Variants in CEP41 observed in about 807,000 individuals in gnomAD.
CEP41 encodes the protein centrosomal protein of 41 kDa.
Under a neutral mutation model 44.3 loss-of-function variants are expected in CEP41, and 32 were observed. The ratio of observed to expected loss-of-function variants is 0.72; its 90% CI spans 0.54 to 0.97. The LOEUF is 0.97. Ranked by LOEUF, CEP41 falls within the 50% of genes least tolerant of loss-of-function variation. The pLI, the probability that CEP41 is intolerant of heterozygous loss-of-function variation, is 0.00. For synonymous variants in CEP41, 151 were observed against 168.5 expected, an observed-to-expected ratio of 0.90 and a Z score of 0.80; for missense variants, 432 against 455.2, an observed-to-expected ratio of 0.95 and a Z score of 0.46.
intron 1 of CEP41, 164 bp downstream of exon 1, chr7:130,440,770 C>A: frequency 1.4e-6 from 1 of 699,550 alleles, no homozygotes; most frequent in Non-Finnish European, 2.5e-6. Context: ...TGCCCCGCGG[C>A]CCCCAAGCCC....
At position 130,394,140 on chromosome 7, in the gene CEP41, C is replaced by T. The variant is rs531784517; in HGVS notation, c.*4751G>A. On this transcript the variant is annotated 3_prime_UTR_variant, in exon 11 of 11. Transcript: ENST00000223208. The stretch of plus-strand genomic sequence containing the variant: ...TTTTCACGGTAAGTTAGAGGCATCA[C>T]CAAAGGAGAACATGGTTGTGCCCAC... 1 of 454,062 alleles carries T rather than the reference C, an allele frequency of 2.2e-6. No homozygotes were observed. Among genetic ancestry groups the T allele is most frequent in the South Asian group, 1.6e-5 (1 of 64,460 alleles). The allele number at this position is 454,062 out of a possible 1,614,324, so 28.1% of individuals were successfully genotyped here. A position where few individuals can be genotyped will look rare whatever the true frequency, so the allele number is the denominator to read the frequency against.
rs1554415670 is a variant in CEP41 at position 130,398,197 on chromosome 7, C to T, written c.*694G>A. 1 of 453,830 alleles carries T rather than the reference C, an allele frequency of 2.2e-6. No individual in the cohort carries two copies. The highest frequency in any genetic ancestry group is 2.3e-5 in the Admixed American group (1 of 42,568). The allele number at this position is 453,830 out of a possible 1,614,324, so 28.1% of individuals were successfully genotyped here. A position where few individuals can be genotyped will look rare whatever the true frequency, so the allele number is the denominator to read the frequency against. ...GAGGCCCTCCTCCCCGGTGTGAAGA[C>T]ACCCACATGCATACCTTTCTGGCTC... On this transcript the variant is annotated 3_prime_UTR_variant, in exon 11 of 11. Transcript: ENST00000223208.
At position 130,395,347 on chromosome 7, in the gene CEP41, T is replaced by C. The variant is rs1554414060; in HGVS notation, c.*3544A>G. On this transcript the variant is annotated 3_prime_UTR_variant, in exon 11 of 11. Transcript: ENST00000223208. ...AACTGGTGAATTATATTCCACACAT[T>C]TGCGGTGTTTCCTGGGGAAAAAAAA... 3 of 441,200 alleles carry C rather than the reference T, an allele frequency of 6.8e-6. No homozygotes were observed. Among genetic ancestry groups the C allele is most frequent in the South Asian group, 4.7e-5 (3 of 64,092 alleles). 27.3% of individuals were successfully genotyped at this position (441,200 alleles called of 1,614,324 possible). A position where few individuals can be genotyped will look rare whatever the true frequency, so the allele number is the denominator to read the frequency against.
At position 130,398,748 on chromosome 7, in the gene CEP41, G is replaced by T; in HGVS notation, c.*143C>A. 9.9e-7 allele frequency: 1 copy of T among 1,010,032 alleles called. No individual in the cohort carries two copies. Among genetic ancestry groups the T allele is most frequent in the Non-Finnish European group, 1.6e-6 (1 of 641,706 alleles). 62.6% of individuals were successfully genotyped at this position (1,010,032 alleles called of 1,614,324 possible). A position where few individuals can be genotyped will look rare whatever the true frequency, so the allele number is the denominator to read the frequency against. The stretch of plus-strand genomic sequence containing the variant: ...GCCTCCTGAGGGGAGAGGAACTGGA[G>T]ACAGGGACAGGGAAGAGGCCTATCC... On this transcript the variant is annotated 3_prime_UTR_variant, in exon 11 of 11. Transcript: ENST00000223208.
chr7:130,402,861 G>A (rs1345471436), intron 6 of CEP41, 62 bp from the exon 7 acceptor site: 22 of 1,547,758 alleles, frequency 1.4e-5, no homozygotes, highest in South Asian at 4.5e-5. Context: ...AAGGTCGAAC[G>A]TGTCTCTTCA....
At chr7:130,416,755 C>T (rs1431058086) in intron 3 of CEP41, among the ~76,000 whole-genome samples, 164 bp downstream of exon 3, 6 of 152,220 alleles carry the variant, frequency 3.9e-5, no homozygotes, top group African/African-American at 1.4e-4. Flanking sequence ...CAGCCCAGTA[C>T]AGCACCCAGG....
intron 2 of CEP41, chr7:130,420,270 C>T: frequency 7.2e-6 from 1 of 139,852 alleles, no homozygotes; most frequent in Non-Finnish European, 1.4e-5. Context: ...GGGGAGGTTG[C>T]AGTGAGCAAG....
Position 130,396,478 on chromosome 7 carries a change from G to A in CEP41, c.*2413C>T, listed in dbSNP as rs1446792963. On this transcript the variant is annotated 3_prime_UTR_variant, in exon 11 of 11. Coordinates refer to ENST00000223208, the MANE Select transcript of CEP41 (RefSeq NM_018718.3). Reference sequence around the variant, plus strand: ...TCCTGTGGCTCCCCCAAATCATCTCGACAGAAAAGAAGAGAGAAGTTGGCA... The same window carrying A: ...TCCTGTGGCTCCCCCAAATCATCTCAACAGAAAAGAAGAGAGAAGTTGGCA... 1.8e-5 allele frequency: 8 copies of A among 454,266 alleles called. No homozygotes were observed. The highest frequency in any genetic ancestry group is 6.0e-5 in the African/African-American group (3 of 49,940). 28.1% of individuals were successfully genotyped at this position (454,266 alleles called of 1,614,324 possible).
chr7:130,427,854 G>A lies in CEP41; in HGVS notation c.97+101C>T. The A allele has an allele frequency of 6.5e-6, 5 of 774,060 alleles. No individual in the cohort carries two copies. In the South Asian group the frequency reaches 7.7e-5, roughly 12 times the overall value. 47.9% of individuals were successfully genotyped at this position (774,060 alleles called of 1,614,324 possible). On this transcript the variant is annotated intron_variant, in intron 2 of 10. Coordinates refer to ENST00000223208, the MANE Select transcript of CEP41 (RefSeq NM_018718.3). ...AGAAAGACATCAGGCAAAACAGTGA[G>A]AAACTTTTAGCTGTGATTTATACCA...
rs145808545 is a variant in CEP41 at position 130,398,086 on chromosome 7, T to C, written c.*805A>G. 6.4e-4 allele frequency: 289 copies of C among 454,116 alleles called. 2 individuals are homozygous for C. In the East Asian group the frequency reaches 0.016, roughly 25 times the overall value. The allele number at this position is 454,116 out of a possible 1,614,324, so 28.1% of individuals were successfully genotyped here. Reference sequence around the variant, plus strand: ...GACTGAAGCTGGGCAATGGGCGTCATAACTGATATACTGACCACAAGTGAG... The same window carrying C: ...GACTGAAGCTGGGCAATGGGCGTCACAACTGATATACTGACCACAAGTGAG... On this transcript the variant is annotated 3_prime_UTR_variant, in exon 11 of 11. Coordinates refer to ENST00000223208, the MANE Select transcript of CEP41 (RefSeq NM_018718.3).
At chr7:130,430,410 G>C (rs1381314880) in intron 1 of CEP41, among the ~76,000 whole-genome samples, 2 of 146,706 alleles carry the variant, frequency 1.4e-5, no homozygotes, top group Non-Finnish European at 3.0e-5. Context: ...TCGGTCCTCA[G>C]ATTGTGTTTG....
chr7:130,436,686 T>C (rs183503431), intron 1 of CEP41, among the ~76,000 whole-genome samples: 2 of 151,826 alleles, frequency 1.3e-5, no homozygotes, highest in East Asian at 3.9e-4. Flanking sequence ...ATACTTATTT[T>C]GAAATAAAAC....
chr7:130,401,863 A>T lies in CEP41; in HGVS notation c.642+18T>A. On this transcript the variant is annotated intron_variant, in intron 8 of 10. Transcript: ENST00000223208. ...AATCCTCATACCACCCAATTCCTTA[A>T]AATGCAACAAAGGATACATATTCAA... is the stretch of plus-strand genomic sequence containing the variant. 6.5e-7 allele frequency: 1 copy of T among 1,545,968 alleles called. No individual in the cohort carries two copies. Among genetic ancestry groups the T allele is most frequent in the Non-Finnish European group, 8.9e-7 (1 of 1,118,234 alleles).
intron 1 of CEP41, among the ~76,000 whole-genome samples, chr7:130,429,840 A>G (rs782776307): frequency 3.3e-5 from 5 of 152,228 alleles, no homozygotes; most frequent in Non-Finnish European, 7.3e-5. Context: ...ATTTCCCTGA[A>G]GGCAGGGACA....
At position 130,426,693 on chromosome 7, in the gene CEP41, A is replaced by G. The variant is rs528663513; in HGVS notation, c.97+1262T>C. On this transcript the variant is annotated intron_variant, in intron 2 of 10. Coordinates refer to ENST00000223208, the MANE Select transcript of CEP41 (RefSeq NM_018718.3). ...GCAATTAGGGGTTAGATGGGTAGAG[A>G]TGAAAGAGCTGAGGGTTTTTGTGGC... 5.9e-4 allele frequency: 269 copies of G among 455,752 alleles called. 6 individuals carry two copies. Among genetic ancestry groups the G allele is most frequent in the South Asian group, 4.0e-3 (258 of 64,426 alleles). The allele number at this position is 455,752 out of a possible 1,614,324, so 28.2% of individuals were successfully genotyped here. A position where few individuals can be genotyped will look rare whatever the true frequency, so the allele number is the denominator to read the frequency against.
At chr7:130,411,659 A>T (rs1554419765) in intron 4 of CEP41, among the ~76,000 whole-genome samples, 1 of 152,190 alleles carries the variant, frequency 6.6e-6, no homozygotes, top group Non-Finnish European at 1.5e-5. Flanking sequence ...ACTTTTCACA[A>T]CTTAGCTCAC....
In CEP41 at chr7:130,393,946, T is replaced by C. The variant is rs1554413411; in HGVS notation, c.*4945A>G. ...AGCCCTGGAGCACCTGTCTTCAAGA[T>C]AAGACAGCAGACACAGGCGGTGGAA... On this transcript the variant is annotated 3_prime_UTR_variant, in exon 11 of 11. Transcript: ENST00000223208. 2 of 454,094 alleles carry C rather than the reference T, an allele frequency of 4.4e-6. No individual in the cohort carries two copies. Among genetic ancestry groups the C allele is most frequent in the Admixed American group, 2.3e-5 (1 of 42,580 alleles). The allele number at this position is 454,094 out of a possible 1,614,324, so 28.1% of individuals were successfully genotyped here.
At chr7:130,421,193 C>T in intron 2 of CEP41, 1 of 985,292 alleles carries the variant, frequency 1.0e-6, no homozygotes, top group Non-Finnish European at 1.2e-6. Context: ...AGATTTTTTC[C>T]ATTGTTTTCC....
At chr7:130,412,999 C>T (rs1422640345) in intron 3 of CEP41, among the ~76,000 whole-genome samples, 5 of 152,068 alleles carry the variant, frequency 3.3e-5, no homozygotes, top group East Asian at 3.9e-4. Context: ...TGTTTACTAC[C>T]ATTTTATTTT....
Sources: allele counts gnomAD v4.1 joint callset (sites outside exome capture counted in the v4.1 genomes callset), GRCh38; gene constraint gnomAD v4.1.1; transcripts MANE v1.5; gene names NCBI Gene and HGNC (gene_info 2026-07-23, HGNC 2026-07-21).